The following MYDGF variants were observed in gnomAD, a reference collection of about 807,000 sequenced individuals.
MYDGF encodes myeloid derived growth factor, also known as myeloid-derived growth factor.
Under a neutral mutation model 24.2 loss-of-function variants are expected in MYDGF, and 29 were observed. The ratio of observed to expected loss-of-function variants is 1.20; its 90% confidence interval spans 0.89 to 1.63. The LOEUF (loss-of-function observed/expected upper bound fraction) is 1.63. MYDGF is among the 40% of genes most tolerant of loss of function. The pLI, the probability that MYDGF is intolerant of heterozygous loss-of-function variation, is 0.00. For missense variants in MYDGF, 245 were observed against 234.8 expected (o/e 1.04, Z -0.29); for synonymous variants, 105 against 102.5 (o/e 1.02, Z -0.15).
At chr19:4,668,163 G>C (rs1302621611) in intron 2 of MYDGF, among the ~76,000 whole-genome samples, 2 of 152,166 alleles carry the variant, frequency 1.3e-5, no homozygotes, top group African/African-American at 4.8e-5. Flanking sequence ...TTGACCTCAG[G>C]TGATCTGCCC....
rs918083809 is a variant in MYDGF at position 4,664,902 on chromosome 19, G to C, written c.261C>G (p.His87Gln). 6 of 1,612,914 alleles carry C rather than the reference G, an allele frequency of 3.7e-6. No homozygotes were observed. The highest frequency in any genetic ancestry group is 5.1e-6 in the Non-Finnish European group (6 of 1,179,892). The change falls in exon 3 of 6, where the codon CAC becomes CAG. Residue 87 changes from histidine (H) to glutamine (Q), a missense_variant. Transcript: ENST00000262947. Reference protein sequence around the residue: ...WQMSLGTSEDHQHFTCTIWRP... With the variant: ...WQMSLGTSEDQQHFTCTIWRP... ...TCCAGATGGTGCAGGTGAAGTGCTG[G>C]TGGTCTTCGCTGGTCCCCAGACTCA... is the stretch of plus-strand genomic sequence containing the variant.
At chr19:4,660,590 C>A in intron 4 of MYDGF, 79 bp downstream of exon 4, 1 of 1,352,056 alleles carries the variant, frequency 7.4e-7, no homozygotes, top group East Asian at 2.3e-5. Flanking sequence ...CCATGGAGCC[C>A]TCTTGTGGCA....
In MYDGF at chr19:4,665,808, G is replaced by A. The variant is rs534632644; in HGVS notation, c.226-871C>T. Among the ~76,000 whole-genome samples, 194 of 112,964 alleles carry A rather than the reference G, an allele frequency of 1.7e-3. 1 individual carries two copies. The highest frequency in any genetic ancestry group is 7.2e-4 in the Non-Finnish European group (42 of 58,478). The allele number at this position is 112,964 out of a possible 152,430, so 74.1% of individuals were successfully genotyped here. ...TGCACTCCAGCCTGGGCGACAGAGC[G>A]AGACTCTGTCTCAAAAAAAAAAAAA... On this transcript the variant is annotated intron_variant, in intron 2 of 5. Transcript: ENST00000262947.
intron 5 of MYDGF, among the ~76,000 whole-genome samples, chr19:4,659,519 C>T (rs1440178910): frequency 6.6e-6 from 1 of 152,044 alleles, no homozygotes; most frequent in East Asian, 1.9e-4. Flanking sequence ...CCACCGCACC[C>T]AGCCTGATTT....
At position 4,669,551 on chromosome 19, in the gene MYDGF, A is replaced by G. The variant is rs997524960; in HGVS notation, c.174+610T>C. Among the ~76,000 whole-genome samples the G allele has an allele frequency of 1.1e-4, 16 of 152,120 alleles. No individual in the cohort carries two copies. In the East Asian group the frequency reaches 1.2e-3, roughly 11 times the overall value. On this transcript the variant is annotated intron_variant, in intron 1 of 5. Transcript: ENST00000262947. Reference sequence around the variant, plus strand: ...AAGAATTGCTTGAACCCAGAAGGCTAAGGATGCAGTGAGCCGAGATCCCGC... The same window carrying G: ...AAGAATTGCTTGAACCCAGAAGGCTGAGGATGCAGTGAGCCGAGATCCCGC...
intron 5 of MYDGF, 76 bp from the exon 6 acceptor site, chr19:4,658,160 C>A: frequency 7.5e-7 from 1 of 1,337,664 alleles, no homozygotes; most frequent in Admixed American, 2.0e-5. Context: ...GGGTGGGGCC[C>A]ATGGTGGGGG....
chr19:4,659,854 C>G, intron 5 of MYDGF, 77 bp downstream of exon 5: 1 of 1,339,916 alleles, frequency 7.5e-7, no homozygotes, highest in Non-Finnish European at 1.1e-6. Flanking sequence ...TGGCTGACCC[C>G]CCTCTCCAAA....
At chr19:4,667,563 T>A (rs1001738897) in intron 2 of MYDGF, among the ~76,000 whole-genome samples, 1 of 146,236 alleles carries the variant, frequency 6.8e-6, no homozygotes, top group South Asian at 2.1e-4. Context: ...TGAGCCACTG[T>A]GCCTGGCCCA....
intron 2 of MYDGF, among the ~76,000 whole-genome samples, chr19:4,666,420 C>T (rs573221020): frequency 3.3e-5 from 5 of 151,968 alleles, no homozygotes; most frequent in Admixed American, 6.6e-5. Context: ...GGATTACAGG[C>T]GCGTGCCACC....
intron 5 of MYDGF, 123 bp downstream of exon 5, chr19:4,659,808 T>C (rs1388129891): frequency 1.2e-6 from 1 of 826,456 alleles, no homozygotes; most frequent in East Asian, 2.4e-5. Flanking sequence ...TAGAATCAGT[T>C]TGTGGATGCC....
chr19:4,663,200 ACCCG>A (rs1568286808), intron 3 of MYDGF, among the ~76,000 whole-genome samples: 21 of 27,698 alleles, frequency 7.6e-4, no homozygotes, highest in South Asian at 2.4e-3. Flanking sequence ...TACCCTCCCC[ACCCG>A]TCCTGTCCTC....
intron 3 of MYDGF, among the ~76,000 whole-genome samples, chr19:4,663,695 T>A (rs1184334190): frequency 3.3e-5 from 1 of 30,368 alleles, no homozygotes; most frequent in African/African-American, 1.2e-4. Flanking sequence ...CACCCTGTCC[T>A]CATTCTACAC....
In MYDGF at chr19:4,657,668, C is replaced by T. The variant is rs753615367; in HGVS notation, c.*337G>A. The stretch of plus-strand genomic sequence containing the variant: ...GTTCTGCAGGCTCATGAAGGATGCT[C>T]GGCTGGAGGTCGGGGGGAGCATGGC... On this transcript the variant is annotated 3_prime_UTR_variant, in exon 6 of 6. Transcript: ENST00000262947. The T allele has an allele frequency of 9.4e-6, 2 of 213,542 alleles. No individual in the cohort carries two copies. The highest frequency in any genetic ancestry group is 1.9e-5 in the Non-Finnish European group (2 of 107,848). 13.2% of individuals were successfully genotyped at this position (213,542 alleles called of 1,614,324 possible).
intron 1 of MYDGF, among the ~76,000 whole-genome samples, chr19:4,669,937 G>A (rs1358424389): frequency 2.0e-5 from 3 of 150,920 alleles, no homozygotes; most frequent in African/African-American, 4.9e-5. Context: ...CGCCGCCGGG[G>A]CCCACAAGGC....
chr19:4,659,765 A>T lies in MYDGF; in HGVS notation c.442+166T>A, dbSNP rs778693337. ...AGCTCTAGACAGAACCCACAGTGCC[A>T]CAAAGCTGAAGATATTGACGAGGTG... On this transcript the variant is annotated intron_variant, in intron 5 of 5. Transcript: ENST00000262947. 3 of 660,654 alleles carry T rather than the reference A, an allele frequency of 4.5e-6. No individual in the cohort carries two copies. The Admixed American group carries it at 7.4e-5, about 16-fold the overall frequency. 40.9% of individuals were successfully genotyped at this position (660,654 alleles called of 1,614,324 possible).
At chr19:4,664,818 T>C in intron 3 of MYDGF, 58 bp downstream of exon 3, 1 of 1,581,740 alleles carries the variant, frequency 6.3e-7, no homozygotes, top group Non-Finnish European at 8.6e-7. Context: ...AAGCAGCTCC[T>C]GAGGCCACAG....
At chr19:4,660,876 G>A in intron 3 of MYDGF, 126 bp from the exon 4 acceptor site, 1 of 623,364 alleles carries the variant, frequency 1.6e-6, no homozygotes, top group Non-Finnish European at 2.7e-6. Context: ...TTCTCAACAT[G>A]GACGCCATTC....
At chr19:4,663,309 TAC>T (rs558502953) in intron 3 of MYDGF, among the ~76,000 whole-genome samples, 886 of 130,506 alleles carry the variant, frequency 6.8e-3, no homozygotes, top group Middle Eastern at 0.02. Flanking sequence ...ATCCTCATTC[TAC>T]ACAGCCTCCA....
At chr19:4,664,979 C>A in intron 2 of MYDGF, 42 bp from the exon 3 acceptor site, 1 of 1,599,566 alleles carries the variant, frequency 6.3e-7, no homozygotes, top group South Asian at 1.1e-5. Context: ...GGACACACAG[C>A]TGCTCTCGGA....
Sources: allele counts gnomAD v4.1 joint callset (sites outside exome capture counted in the v4.1 genomes callset), GRCh38; gene constraint gnomAD v4.1.1; transcripts MANE v1.5; gene names NCBI Gene and HGNC (gene_info 2026-07-23, HGNC 2026-07-21).